The following ARL4C variants were observed in gnomAD, a reference collection of about 807,000 sequenced individuals.
ARL4C encodes ARF like GTPase 4C, also known as ADP-ribosylation factor-like protein 4C.
In ARL4C, 5 loss-of-function variants were observed where a neutral mutation model predicts 12.8. The ratio of observed to expected loss-of-function variants is 0.39; its 90% CI spans 0.20 to 0.82. ARL4C has a LOEUF of 0.82. Among genes scored for constraint, ARL4C ranks in the 40% least tolerant of loss-of-function variants. ARL4C has a pLI of 0.39. For synonymous variants in ARL4C, 119 were observed against 119.4 expected (o/e 1.00, Z 0.02); for missense variants, 148 against 265.2 (o/e 0.56, Z 3.07).
chr2:234,495,827 G>A lies in ARL4C; in HGVS notation c.585C>T (p.Asp195=), dbSNP rs775653891. The A allele has an allele frequency of 5.0e-6, 8 of 1,598,492 alleles. No homozygotes were observed. The African/African-American group carries it at 8.0e-5, about 16-fold the overall frequency. The change falls in exon 2 of 2, where the codon GAC becomes GAT. Residue 195 remains aspartate, a synonymous_variant. Transcript: ENST00000339728. Reference sequence around the variant, plus strand: ...TAAATCAGACTTCGCAGCTCCTTAAGTCACCAGTCCTGCATTTGGGTGCAG... The same window carrying A: ...TAAATCAGACTTCGCAGCTCCTTAAATCACCAGTCCTGCATTTGGGTGCAG... ...SLKQKKKRTG[D]LRSCEV
Position 234,494,571 on chromosome 2 carries a change from C to T in ARL4C, c.*1235G>A, listed in dbSNP as rs532073858. 6.6e-6 allele frequency: 1 copy of T among 152,632 alleles called. No individual in the cohort carries two copies. The highest frequency in any genetic ancestry group is 1.5e-5 in the Non-Finnish European group (1 of 68,030). The allele number at this position is 152,632 out of a possible 1,614,324, so 9.5% of individuals were successfully genotyped here. On this transcript the variant is annotated 3_prime_UTR_variant, in exon 2 of 2. Transcript: ENST00000339728. ...TTTTTCCTTCTCTTTTAATTCCATG[C>T]AACGAGGTCAGCTTTTGCAACAAGG...
Position 234,494,038 on chromosome 2 carries a change from G to A in ARL4C, c.*1768C>T, listed in dbSNP as rs926223979. On this transcript the variant is annotated 3_prime_UTR_variant, in exon 2 of 2. Transcript: ENST00000339728. ...TTTCAAGCAGGAAGCCAGAACTTCT[G>A]CCTCTGGTTCTTAAATTAACATTCG... 1 of 152,414 alleles carries A rather than the reference G, an allele frequency of 6.6e-6. No homozygotes were observed. Among genetic ancestry groups the A allele is most frequent in the African/African-American group, 2.4e-5 (1 of 41,444 alleles). The allele number at this position is 152,414 out of a possible 1,614,324, so 9.4% of individuals were successfully genotyped here.
In ARL4C at chr2:234,496,355, G is replaced by A. The variant is rs762498059; in HGVS notation, c.232C>T (p.Leu78=). 4.3e-6 allele frequency: 7 copies of A among 1,613,040 alleles called. No individual in the cohort carries two copies. In the South Asian group the frequency reaches 4.4e-5, roughly 10 times the overall value. Residue 78 remains leucine, a synonymous_variant, in exon 1 of 2, where the codon CTG becomes TTG. Transcript: ENST00000339728. ...DVGGQEKLRP[L]WKSYSRCTDG... ...GTGCAGCGGCTGTAGGACTTCCACA[G>A]CGGCCGCAGCTTCTCCTGGCCGCCC...
rs1456835413 is a variant in ARL4C at position 234,496,775 on chromosome 2, C to G, written c.-189G>C. ...GACGCCGCAGTCCCCGCGCCCTCGC[C>G]GGCCGGGCTCGCGATCGGCGGGCAT... On this transcript the variant is annotated 5_prime_UTR_variant, in exon 1 of 2. Transcript: ENST00000339728. 1 of 156,334 alleles carries G rather than the reference C, an allele frequency of 6.4e-6. No individual in the cohort carries two copies. Among genetic ancestry groups the G allele is most frequent in the African/African-American group, 2.4e-5 (1 of 41,006 alleles). 9.7% of individuals were successfully genotyped at this position (156,334 alleles called of 1,614,324 possible).
rs1221279718 is a variant in ARL4C at position 234,494,297 on chromosome 2, A to G, written c.*1509T>C. ...GGTAAGTGACAGCTTCTGCAAACCA[A>G]GACTCAGTCCTGATTATAAAGGATT... is the stretch of plus-strand genomic sequence containing the variant. On this transcript the variant is annotated 3_prime_UTR_variant, in exon 2 of 2. Coordinates refer to ENST00000339728, the MANE Select transcript of ARL4C (RefSeq NM_001282431.2). 1.3e-5 allele frequency: 2 copies of G among 152,686 alleles called. No individual in the cohort carries two copies. Among genetic ancestry groups the G allele is most frequent in the African/African-American group, 2.4e-5 (1 of 41,460 alleles). 9.5% of individuals were successfully genotyped at this position (152,686 alleles called of 1,614,324 possible). A position where few individuals can be genotyped will look rare whatever the true frequency, so the allele number is the denominator to read the frequency against.
rs1379291014 is a variant in ARL4C at position 234,494,103 on chromosome 2, AACTC to A, written c.*1699_*1702del. On this transcript the variant is annotated 3_prime_UTR_variant, in exon 2 of 2. Transcript: ENST00000339728. The stretch of plus-strand genomic sequence containing the variant: ...ATAGGCAGGGACTCATAATTTGACT[AACTC>A]ACATGCTCAAGCATGATCGTGTCCA... 6.6e-6 allele frequency: 1 copy of A among 151,712 alleles called. No individual in the cohort carries two copies. The highest frequency in any genetic ancestry group is 2.4e-5 in the African/African-American group (1 of 41,002). The allele number at this position is 151,712 out of a possible 1,614,324, so 9.4% of individuals were successfully genotyped here.
chr2:234,495,995 C>A lies in ARL4C; in HGVS notation c.575+17G>T. 1.2e-6 allele frequency: 2 copies of A among 1,606,530 alleles called. No individual in the cohort carries two copies. The highest frequency in any genetic ancestry group is 8.5e-7 in the Non-Finnish European group (1 of 1,175,660). On this transcript the variant is annotated intron_variant, in intron 1 of 1. Transcript: ENST00000339728. ...TTGACGCACTCGCTCGCTCCCCGGT[C>A]GCTCCGGGCGCATTACCGCTTCTTC... is the stretch of plus-strand genomic sequence containing the variant.
rs1286029133 is a variant in ARL4C, at chr2:234,496,575, G to C, written c.12C>G (p.Ile4Met). Residue 4 changes from isoleucine to methionine, a missense_variant, in exon 1 of 2, where the codon ATC becomes ATG. By Grantham distance (10) the Ile-to-Met change is conservative. Transcript: ENST00000339728. ...ACTGGAAGGCCGAGATGTTAGAGGA[G>C]ATGTTGCCCATGGCTCCTGGCTGCG... MGN[I>M]SSNISAFQSL... 3 of 1,563,592 alleles carry C rather than the reference G, an allele frequency of 1.9e-6. No homozygotes were observed. Among genetic ancestry groups the C allele is most frequent in the Non-Finnish European group, 2.6e-6 (3 of 1,154,624 alleles).
rs1296594788 is a variant in ARL4C at position 234,494,644 on chromosome 2, A to AT, written c.*1161dup. 2 of 152,222 alleles carry AT rather than the reference A, an allele frequency of 1.3e-5. No homozygotes were observed. The highest frequency in any genetic ancestry group is 2.9e-5 in the Non-Finnish European group (2 of 68,036). The allele number at this position is 152,222 out of a possible 1,614,324, so 9.4% of individuals were successfully genotyped here. On this transcript the variant is annotated 3_prime_UTR_variant, in exon 2 of 2. Transcript: ENST00000339728. ...ATGACATCAAATACTCTAACGAGAC[A>AT]TTTTTAATGAAAGACTTAAACCAGA...
In ARL4C at chr2:234,496,293, C is replaced by T. The variant is rs1691782423; in HGVS notation, c.294G>A (p.Val98=). 52 of 1,608,622 alleles carry T rather than the reference C, an allele frequency of 3.2e-5. No homozygotes were observed. Among genetic ancestry groups the T allele is most frequent in the Non-Finnish European group, 4.4e-5 (52 of 1,177,380 alleles). The part of the protein sequence containing the change: ...GIIYVVDSVD[V]DRLEEAKTEL... ...CCGTCTTGGCCTCCTCCAGCCGGTC[C>T]ACGTCCACCGAGTCCACCACGTAGA... Residue 98 remains valine, a synonymous_variant, in exon 1 of 2, where the codon GTG becomes GTA. Transcript: ENST00000339728.
rs1268861467 is a variant in ARL4C at position 234,496,816 on chromosome 2, G to A, written c.-230C>T. 2 of 149,784 alleles carry A rather than the reference G, an allele frequency of 1.3e-5. No individual in the cohort carries two copies. The highest frequency in any genetic ancestry group is 4.9e-5 in the African/African-American group (2 of 41,126). The allele number at this position is 149,784 out of a possible 1,614,324, so 9.3% of individuals were successfully genotyped here. ...CGGCGGGCATCGCGTCTCTACGCGCGGCTTTGTCTCCCGCGAAGCCGCCTC... is the reference window on the plus strand; with the variant it reads ...CGGCGGGCATCGCGTCTCTACGCGCAGCTTTGTCTCCCGCGAAGCCGCCTC... On this transcript the variant is annotated 5_prime_UTR_variant, in exon 1 of 2. Transcript: ENST00000339728.
rs1691743851 is a variant in ARL4C, at chr2:234,494,261, CTG to C, written c.*1543_*1544del. ...TATGTTTTAAGTTTCCCTTTTGATA[CTG>C]TGTTTCAGGGTAAGTGACAGCTTCT... On this transcript the variant is annotated 3_prime_UTR_variant, in exon 2 of 2. Coordinates refer to ENST00000339728, the MANE Select transcript of ARL4C (RefSeq NM_001282431.2). The C allele has an allele frequency of 6.6e-6, 1 of 152,636 alleles. No homozygotes were observed. Among genetic ancestry groups the C allele is most frequent in the Non-Finnish European group, 1.5e-5 (1 of 68,032 alleles). The allele number at this position is 152,636 out of a possible 1,614,324, so 9.5% of individuals were successfully genotyped here. A position where few individuals can be genotyped will look rare whatever the true frequency, so the allele number is the denominator to read the frequency against.
rs1007640224 is a variant in ARL4C at position 234,496,191 on chromosome 2, G to A, written c.396C>T (p.Pro132=). The change falls in exon 1 of 2, where the codon CCC becomes CCT. Residue 132 remains proline (P), a synonymous_variant. Coordinates refer to ENST00000339728, the MANE Select transcript of ARL4C (RefSeq NM_001282431.2). The part of the protein sequence containing the change: ...LLVIANKQDL[P]KSLPVAEIEK... ...CAATCTCTGCCACCGGCAGCGACTT[G>A]GGCAGGTCCTGCTTGTTGGCGATGA... is the stretch of plus-strand genomic sequence containing the variant. 5 of 1,608,044 alleles carry A rather than the reference G, an allele frequency of 3.1e-6. No individual in the cohort carries two copies. The African/African-American group carries it at 6.7e-5, about 22-fold the overall frequency.
At position 234,496,083 on chromosome 2, in the gene ARL4C, G is replaced by A; in HGVS notation, c.504C>T (p.Leu168=). The part of the protein sequence containing the change: ...QPACAIIGEG[L]TEGMDKLYEM... ...CATAGAGCTTGTCCATGCCCTCGGTGAGGCCCTCGCCGATGATGGCGCACG... is the reference window on the plus strand; with the variant it reads ...CATAGAGCTTGTCCATGCCCTCGGTAAGGCCCTCGCCGATGATGGCGCACG... Residue 168 remains leucine (L), a synonymous_variant, in exon 1 of 2, where the codon CTC becomes CTT. Transcript: ENST00000339728. 1.2e-6 allele frequency: 2 copies of A among 1,613,274 alleles called. No homozygotes were observed. The highest frequency in any genetic ancestry group is 8.5e-7 in the Non-Finnish European group (1 of 1,179,626).
Position 234,496,175 on chromosome 2 carries a change from C to T in ARL4C, c.412G>A (p.Ala138Thr). The T allele has an allele frequency of 6.2e-7, 1 of 1,611,538 alleles. No homozygotes were observed. Among genetic ancestry groups the T allele is most frequent in the Non-Finnish European group, 8.5e-7 (1 of 1,178,804 alleles). Reference sequence around the variant, plus strand: ...AGCGCCAGCTGCTTCTCAATCTCTGCCACCGGCAGCGACTTGGGCAGGTCC... The same window carrying T: ...AGCGCCAGCTGCTTCTCAATCTCTGTCACCGGCAGCGACTTGGGCAGGTCC... The part of the protein sequence containing the change: ...KQDLPKSLPV[A>T]EIEKQLALHE... Residue 138 changes from alanine to threonine, a missense_variant, in exon 1 of 2, where the codon GCA becomes ACA. By Grantham distance (58) the Ala-to-Thr change is moderately conservative. Coordinates refer to ENST00000339728, the MANE Select transcript of ARL4C (RefSeq NM_001282431.2).
rs933187199 is a variant in ARL4C at position 234,495,510 on chromosome 2, A to G, written c.*296T>C. 1.9e-5 allele frequency: 11 copies of G among 565,528 alleles called. No homozygotes were observed. The highest frequency in any genetic ancestry group is 1.9e-4 in the African/African-American group (10 of 53,162). 35.0% of individuals were successfully genotyped at this position (565,528 alleles called of 1,614,324 possible). On this transcript the variant is annotated 3_prime_UTR_variant, in exon 2 of 2. Transcript: ENST00000339728. ...GAGAGGTGGTCCCCCCAGAACCAACATGCCCCCCAAGGTGGGTACGCCCAC... is the reference window on the plus strand; with the variant it reads ...GAGAGGTGGTCCCCCCAGAACCAACGTGCCCCCCAAGGTGGGTACGCCCAC...
At position 234,495,824 on chromosome 2, in the gene ARL4C, TAA is replaced by T; in HGVS notation, c.586_587del (p.Leu196LysfsTer31). 6.3e-7 allele frequency: 1 copy of T among 1,598,546 alleles called. No individual in the cohort carries two copies. ...CGGTAAATCAGACTTCGCAGCTCCTTAAGTCACCAGTCCTGCATTTGGGTGCA... is the reference window on the plus strand; with the variant it reads ...CGGTAAATCAGACTTCGCAGCTCCTTGTCACCAGTCCTGCATTTGGGTGCA... ...LKQKKKRTGDLRSCEV is the reference protein window; with the variant it reads ...LKQKKKRTGDXRSCEV On this transcript the variant is annotated frameshift_variant, in exon 2 of 2. Transcript: ENST00000339728. LOFTEE classifies it high-confidence loss of function.
At position 234,496,231 on chromosome 2, in the gene ARL4C, C is replaced by T. The variant is rs562397176; in HGVS notation, c.356G>A (p.Gly119Asp). The T allele has an allele frequency of 1.3e-6, 2 of 1,585,844 alleles. No homozygotes were observed. Among genetic ancestry groups the T allele is most frequent in the African/African-American group, 1.3e-5 (1 of 74,198 alleles). Reference protein sequence around the residue: ...HKVTKFAENQGTPLLVIANKQ... With the variant: ...HKVTKFAENQDTPLLVIANKQ... ...GTTGGCGATGACCAGCAGCGGCGTG[C>T]CCTGGTTCTCGGCGAACTTGGTCAC... is the stretch of plus-strand genomic sequence containing the variant. The change falls in exon 1 of 2, where the codon GGC (glycine) becomes GAC (aspartate). Residue 119 changes from glycine to aspartate, a missense_variant. Coordinates refer to ENST00000339728, the MANE Select transcript of ARL4C (RefSeq NM_001282431.2).
rs757255435 is a variant in ARL4C, at chr2:234,495,774, G to C, written c.*32C>G. Reference sequence around the variant, plus strand: ...CAGACAAAAGGTCCCCTGAGCTGGGGGTGGGGGGCAGGTCGAGAGTAGGCC... The same window carrying C: ...CAGACAAAAGGTCCCCTGAGCTGGGCGTGGGGGGCAGGTCGAGAGTAGGCC... On this transcript the variant is annotated 3_prime_UTR_variant, in exon 2 of 2. Coordinates refer to ENST00000339728, the MANE Select transcript of ARL4C (RefSeq NM_001282431.2). 8.1e-6 allele frequency: 13 copies of C among 1,598,234 alleles called. No individual in the cohort carries two copies. The South Asian group carries it at 1.3e-4, about 16-fold the overall frequency.
Sources: gnomAD v4.1 joint callset for allele counts on GRCh38, gnomAD v4.1.1 for gene constraint, MANE v1.5 for transcripts, NCBI Gene and HGNC (gene_info 2026-07-23, HGNC 2026-07-21) for gene names.